Variants in MAGI2 observed in about 807,000 individuals in gnomAD.
MAGI2 encodes membrane associated guanylate kinase, WW and PDZ domain containing 2.
A neutral mutation model predicts 133.3 loss-of-function variants in MAGI2; 35 were observed. The observed-to-expected ratio is 0.26, with a 90% CI of 0.20 to 0.35. The LOEUF (loss-of-function observed/expected upper bound fraction) is 0.35. Ranked by LOEUF, MAGI2 falls within the 10% of genes least tolerant of loss-of-function variation. The pLI, the probability that MAGI2 is intolerant of heterozygous loss-of-function variation, is 1.00. For missense variants in MAGI2, 1,636 were observed against 1,863.4 expected, an observed-to-expected ratio of 0.88 and a Z score of 2.25; for synonymous variants, 729 against 710.6, an observed-to-expected ratio of 1.03 and a Z score of -0.41.
intron 1 of MAGI2, among the ~76,000 whole-genome samples, chr7:79,101,737 A>AG (rs1325236873): frequency 6.9e-5 from 10 of 145,728 alleles, no homozygotes; most frequent in African/African-American, 2.2e-4. Context: ...AAAAAAAAAA[A>AG]AAAGAAAAAA....
intron 5 of MAGI2, among the ~76,000 whole-genome samples, chr7:78,497,828 C>T (rs1475259374): frequency 2.0e-5 from 3 of 149,784 alleles, no homozygotes; most frequent in Non-Finnish European, 3.0e-5. Context: ...TCTGTTTTGT[C>T]ATGATCTTCA....
chr7:78,966,125 G>A (rs1803283548), intron 2 of MAGI2, among the ~76,000 whole-genome samples: 1 of 152,060 alleles, frequency 6.6e-6, no homozygotes, highest in Non-Finnish European at 1.5e-5. Context: ...GTGCTTAGGA[G>A]AGATAGAAAT....
intron 6 of MAGI2, among the ~76,000 whole-genome samples, chr7:78,401,422 A>G (rs1796849295): frequency 6.6e-6 from 1 of 152,010 alleles, no homozygotes; most frequent in Non-Finnish European, 1.5e-5. Context: ...CGTTTACTAG[A>G]CATGTGAATT....
chr7:78,756,329 A>G (rs766313271), intron 2 of MAGI2, among the ~76,000 whole-genome samples: 5 of 152,194 alleles, frequency 3.3e-5, no homozygotes, highest in Non-Finnish European at 7.3e-5. Context: ...GCAAAAGTAA[A>G]CTCAAGCATC....
intron 2 of MAGI2, among the ~76,000 whole-genome samples, chr7:78,669,248 G>A (rs544693275): frequency 0.016 from 2,368 of 151,974 alleles, 65 homozygotes; most frequent in African/African-American, 0.052. Flanking sequence ...TATCACCACC[G>A]ATCCCACAGA....
At chr7:78,055,853 T>A (rs1432596478) in intron 21 of MAGI2, among the ~76,000 whole-genome samples, 3 of 152,170 alleles carry the variant, frequency 2.0e-5, no homozygotes, top group Admixed American at 1.3e-4. Context: ...ATGTATCAAA[T>A]GAAGCTCAGG....
At chr7:78,044,165 C>T (rs1256003150) in intron 21 of MAGI2, among the ~76,000 whole-genome samples, 5 of 152,208 alleles carry the variant, frequency 3.3e-5, no homozygotes, top group East Asian at 1.9e-4. Flanking sequence ...CCAAAATTTA[C>T]GGTACCATTA....
intron 3 of MAGI2, among the ~76,000 whole-genome samples, chr7:78,596,215 G>A: frequency 6.7e-6 from 1 of 148,384 alleles, no homozygotes. Flanking sequence ...AATGAAGGAA[G>A]GGAGGGAGGG....
At chr7:78,760,060 G>A (rs753398333) in intron 2 of MAGI2, among the ~76,000 whole-genome samples, 15 of 152,132 alleles carry the variant, frequency 9.9e-5, no homozygotes, top group African/African-American at 3.4e-4. Context: ...AGGTTGCAGC[G>A]AGCCAAGATC....
intron 2 of MAGI2, among the ~76,000 whole-genome samples, chr7:78,819,467 C>T (rs1472083676): frequency 6.6e-6 from 1 of 152,052 alleles, no homozygotes; most frequent in African/African-American, 2.4e-5. Flanking sequence ...TCCCATTCCC[C>T]CATTTCTCTC....
At chr7:79,311,163 C>T (rs1299591147) in intron 1 of MAGI2, among the ~76,000 whole-genome samples, 3 of 152,070 alleles carry the variant, frequency 2.0e-5, no homozygotes, top group Non-Finnish European at 4.4e-5. Flanking sequence ...CCCTATGTTG[C>T]TAAAACCAAT....
intron 2 of MAGI2, among the ~76,000 whole-genome samples, chr7:78,744,330 TTTTG>T (rs1012346068): frequency 1.3e-5 from 2 of 152,198 alleles, no homozygotes; most frequent in Admixed American, 6.5e-5. Context: ...ATTTGAATTT[TTTTG>T]TTTATCTCAT....
chr7:79,392,628 CAT>C (rs1047108379), intron 1 of MAGI2, among the ~76,000 whole-genome samples: 1 of 152,046 alleles, frequency 6.6e-6, no homozygotes, highest in Non-Finnish European at 1.5e-5. Flanking sequence ...AGCTTTTTTT[CAT>C]ATGTTTGTTG....
chr7:79,444,350 A>G (rs1323445530), intron 1 of MAGI2, among the ~76,000 whole-genome samples: 2 of 152,204 alleles, frequency 1.3e-5, no homozygotes, highest in African/African-American at 2.4e-5. Flanking sequence ...AGAGTATTCA[A>G]TTAGGAAAAG....
intron 1 of MAGI2, among the ~76,000 whole-genome samples, chr7:79,294,931 G>C (rs1030113038): frequency 1.2e-4 from 18 of 151,100 alleles, no homozygotes; most frequent in African/African-American, 3.9e-4. Flanking sequence ...GTAGAGACGG[G>C]GTTTCACCGT....
At chr7:78,926,966 T>C (rs1298636797) in intron 2 of MAGI2, among the ~76,000 whole-genome samples, 1 of 151,998 alleles carries the variant, frequency 6.6e-6, no homozygotes, top group Non-Finnish European at 1.5e-5. Flanking sequence ...TCACTGTTAT[T>C]GTACCACTAA....
At chr7:79,004,423 G>T (rs1807225708) in intron 2 of MAGI2, among the ~76,000 whole-genome samples, 1 of 152,148 alleles carries the variant, frequency 6.6e-6, no homozygotes, top group Admixed American at 6.6e-5. Flanking sequence ...CATGGAGATA[G>T]AAGGATGATA....
At chr7:78,072,100 T>C (rs186465117) in intron 21 of MAGI2, among the ~76,000 whole-genome samples, 2 of 152,290 alleles carry the variant, frequency 1.3e-5, no homozygotes, top group East Asian at 1.9e-4. Flanking sequence ...GTGAATTTGA[T>C]AGATGAAGTT....
At chr7:78,296,996 T>C (rs909138357) in intron 9 of MAGI2, among the ~76,000 whole-genome samples, 1 of 152,222 alleles carries the variant, frequency 6.6e-6, no homozygotes, top group Non-Finnish European at 1.5e-5. Flanking sequence ...AAACTAGGGC[T>C]ACTTCCTTAA....
Sources: gnomAD v4.1 joint callset for allele counts (sites outside exome capture counted in the v4.1 genomes callset) on GRCh38, gnomAD v4.1.1 for gene constraint, MANE v1.5 for transcripts, NCBI Gene and HGNC (gene_info 2026-07-23, HGNC 2026-07-21) for gene names.